The following PRKG1 variants were observed in gnomAD, a reference collection of about 807,000 sequenced individuals.
PRKG1 encodes cGMP-dependent protein kinase 1.
PRKG1 carries 35 observed loss-of-function variants against 88.1 expected under a neutral mutation model. The ratio of observed to expected loss-of-function variants is 0.40; its 90% CI spans 0.30 to 0.53. PRKG1 has a LOEUF of 0.53. Ranked by LOEUF, PRKG1 falls within the 20% of genes least tolerant of loss-of-function variation. PRKG1 has a pLI of 0.59. For synonymous variants in PRKG1, 303 were observed against 292.5 expected, an observed-to-expected ratio of 1.04 and a Z score of -0.37; for missense variants, 540 against 839.8, an observed-to-expected ratio of 0.64 and a Z score of 4.41.
chr10:51,672,415 CTTT>C (rs1269108369), intron 3 of PRKG1, among the ~76,000 whole-genome samples: 1 of 151,818 alleles, frequency 6.6e-6, no homozygotes, highest in African/African-American at 2.4e-5. Flanking sequence ...TGTGATTATA[CTTT>C]TTATTTCTAG....
intron 3 of PRKG1, among the ~76,000 whole-genome samples, chr10:51,668,696 A>G (rs1273489024): frequency 6.6e-6 from 1 of 152,162 alleles, no homozygotes. Flanking sequence ...TTACAATTCT[A>G]TTCAAAATTA....
At chr10:51,571,847 A>G (rs1837762381) in intron 3 of PRKG1, among the ~76,000 whole-genome samples, 1 of 151,858 alleles carries the variant, frequency 6.6e-6, no homozygotes, top group African/African-American at 2.4e-5. Context: ...ATTGTGGAGA[A>G]TTCACCTTTC....
chr10:51,037,024 T>A (rs1489295021), intron 1 of PRKG1, among the ~76,000 whole-genome samples: 1 of 152,238 alleles, frequency 6.6e-6, no homozygotes, highest in Non-Finnish European at 1.5e-5. Flanking sequence ...GGCTTTTCTA[T>A]GTTTAGGTAT....
At chr10:51,293,435 A>G (rs1391414233) in intron 2 of PRKG1, among the ~76,000 whole-genome samples, 1 of 151,938 alleles carries the variant, frequency 6.6e-6, no homozygotes, top group Non-Finnish European at 1.5e-5. Context: ...GAGTTCATCT[A>G]TTTAAGATTT....
intron 1 of PRKG1, among the ~76,000 whole-genome samples, chr10:51,009,823 C>A (rs999979204): frequency 6.6e-6 from 1 of 152,134 alleles, no homozygotes; most frequent in Admixed American, 6.5e-5. Flanking sequence ...AATATGGAAT[C>A]GTACTTTTGG....
intron 4 of PRKG1, among the ~76,000 whole-genome samples, chr10:51,828,459 A>G (rs778039453): frequency 6.8e-4 from 103 of 152,156 alleles, no homozygotes; most frequent in Non-Finnish European, 1.1e-3. Context: ...TTAGGAAATT[A>G]CTTGTTAATT....
intron 5 of PRKG1, among the ~76,000 whole-genome samples, chr10:52,005,431 A>G (rs1844708751): frequency 6.6e-6 from 1 of 151,998 alleles, no homozygotes; most frequent in Admixed American, 6.6e-5. Context: ...GGAGCTTCCT[A>G]TTGTCCTGAG....
intron 2 of PRKG1, among the ~76,000 whole-genome samples, chr10:51,260,625 A>G (rs1030216548): frequency 5.9e-5 from 9 of 152,200 alleles, no homozygotes; most frequent in Non-Finnish European, 1.5e-5. Flanking sequence ...TCCTGCTGAA[A>G]TGTCCATCTC....
At chr10:51,910,677 T>C (rs542811369) in intron 5 of PRKG1, 1 of 152,290 alleles carries the variant, frequency 6.6e-6, no homozygotes, top group East Asian at 1.9e-4. Flanking sequence ...CTGGATTCAC[T>C]TTCCAGGTAG....
intron 9 of PRKG1, among the ~76,000 whole-genome samples, chr10:52,192,595 C>G (rs1184529978): frequency 6.6e-6 from 1 of 151,926 alleles, no homozygotes; most frequent in African/African-American, 2.4e-5. Context: ...TTCATAAAGT[C>G]AAAGGGACTT....
intron 1 of PRKG1, among the ~76,000 whole-genome samples, chr10:51,101,330 G>T (rs1440111052): frequency 6.6e-6 from 1 of 152,120 alleles, no homozygotes; most frequent in Non-Finnish European, 1.5e-5. Context: ...AAGCCCAGGA[G>T]AGAGGCTTCA....
intron 3 of PRKG1, among the ~76,000 whole-genome samples, chr10:51,505,031 G>A (rs1841153406): frequency 6.6e-6 from 1 of 152,148 alleles, no homozygotes; most frequent in Non-Finnish European, 1.5e-5. Context: ...GGTGAGAGAG[G>A]ACATCTCTGT....
chr10:51,506,689 T>C (rs1401098542), intron 3 of PRKG1, among the ~76,000 whole-genome samples: 1 of 152,072 alleles, frequency 6.6e-6, no homozygotes, highest in Non-Finnish European at 1.5e-5. Flanking sequence ...TAGGGACACT[T>C]TTACACTGTT....
chr10:51,430,754 G>C (rs7090981), intron 2 of PRKG1, among the ~76,000 whole-genome samples: 380 of 152,304 alleles, frequency 2.5e-3, no homozygotes, highest in African/African-American at 8.6e-3. Flanking sequence ...ACAATGGAGT[G>C]CTATTTCACA....
intron 7 of PRKG1, among the ~76,000 whole-genome samples, chr10:52,102,348 C>A (rs4526728): frequency 0.061 from 9,328 of 152,046 alleles, 518 homozygotes; most frequent in East Asian, 0.34. Flanking sequence ...AACATCACAA[C>A]CATATGCTGT....
chr10:51,860,047 A>T (rs566969467), intron 4 of PRKG1, among the ~76,000 whole-genome samples: 25 of 152,170 alleles, frequency 1.6e-4, no homozygotes, highest in African/African-American at 5.8e-4. Flanking sequence ...TATTACTGGG[A>T]TGTAAAAGTT....
rs1456395762 is a variant in PRKG1, at chr10:50,991,484, C to G, written c.106C>G (p.Leu36Val). ...AGAGAAGGAGGAAGAAATTCAGGAGCTGAAGAGGAAACTCCACAAATGCCA... is the reference window on the plus strand; with the variant it reads ...AGAGAAGGAGGAAGAAATTCAGGAGGTGAAGAGGAAACTCCACAAATGCCA... The change falls in exon 1 of 18, where the codon CTG (leucine) becomes GTG (valine). Residue 36 changes from leucine to valine, a missense_variant. By Grantham distance (32) the Leu-to-Val change is conservative (BLOSUM62 1). Transcript: ENST00000401604. The surrounding 1 kb of genome is among the most constrained non-coding windows in gnomAD (Gnocchi z 4.5). The G allele has an allele frequency of 1.3e-5, 21 of 1,610,508 alleles. No individual in the cohort carries two copies. Among genetic ancestry groups the G allele is most frequent in the Non-Finnish European group, 1.8e-5 (21 of 1,178,654 alleles).
chr10:52,102,352 A>G (rs543329243), intron 7 of PRKG1, among the ~76,000 whole-genome samples: 1 of 152,250 alleles, frequency 6.6e-6, no homozygotes, highest in African/African-American at 2.4e-5. Flanking sequence ...TCACAACCAT[A>G]TGCTGTGGAA....
intron 2 of PRKG1, 148 bp from the exon 3 acceptor site, chr10:51,467,575 T>C: frequency 1.8e-6 from 1 of 558,166 alleles, no homozygotes; most frequent in East Asian, 2.9e-5. Flanking sequence ...TATTTTGTTT[T>C]ATTTCTTGCG....
Sources: gnomAD v4.1 joint callset for allele counts (sites outside exome capture counted in the v4.1 genomes callset) on GRCh38, gnomAD v4.1.1 for gene constraint, Gnocchi (gnomAD v3.1) non-coding constraint, MANE v1.5 for transcripts, NCBI Gene and HGNC (gene_info 2026-07-23, HGNC 2026-07-21) for gene names.